UVRAG: variants seen among roughly 807,000 people sequenced by gnomAD.
UVRAG encodes the protein UV radiation resistance-associated gene protein.
In UVRAG, 19 loss-of-function variants were observed where a neutral mutation model predicts 78.0. The observed-to-expected ratio is 0.24, with a 90% CI of 0.17 to 0.36. The LOEUF is 0.36. UVRAG is among the 10% of genes least tolerant of loss of function. The pLI is 1.00. For missense variants in UVRAG, 740 were observed against 853.8 expected, an observed-to-expected ratio of 0.87 and a Z score of 1.66; for synonymous variants, 323 against 324.6, an observed-to-expected ratio of 1.00 and a Z score of 0.05.
chr11:76,007,798 A>G (rs983763129), intron 10 of UVRAG, among the ~76,000 whole-genome samples, 177 bp downstream of exon 10: 2 of 152,082 alleles, frequency 1.3e-5, no homozygotes, highest in Non-Finnish European at 2.9e-5. Flanking sequence ...CTTAGGTCCT[A>G]CTATTTCATT....
In UVRAG at chr11:75,968,074, C is replaced by T. The variant is rs568100592; in HGVS notation, c.699+6525C>T. Among the ~76,000 whole-genome samples, 4 of 152,284 alleles carry T rather than the reference C, an allele frequency of 2.6e-5. No individual in the cohort carries two copies. The South Asian group carries it at 8.3e-4, about 32-fold the overall frequency. On this transcript the variant is annotated intron_variant, in intron 7 of 14. Coordinates refer to ENST00000356136, the MANE Select transcript of UVRAG (RefSeq NM_003369.4). ...TCCAAAACACTCCAATGAGCATTTT[C>T]CTTGAGCATCATATTGGTGCTCAGA...
chr11:76,139,239 A>C (rs186348045), intron 14 of UVRAG, among the ~76,000 whole-genome samples: 1 of 152,310 alleles, frequency 6.6e-6, no homozygotes, highest in African/African-American at 2.4e-5. Context: ...GCATCAGAGG[A>C]GAGAGAGCAG....
intron 1 of UVRAG, among the ~76,000 whole-genome samples, chr11:75,828,433 A>AC (rs1258400183): frequency 7.3e-6 from 1 of 136,424 alleles, no homozygotes; most frequent in Non-Finnish European, 1.5e-5. Flanking sequence ...ATATAGTGAG[A>AC]CCCCCATCTC....
chr11:75,818,636 G>A (rs1288021358), intron 1 of UVRAG, among the ~76,000 whole-genome samples: 6 of 151,558 alleles, frequency 4.0e-5, no homozygotes, highest in African/African-American at 7.3e-5. Context: ...CTGCCACCAC[G>A]CCCAGCTAAT....
intron 7 of UVRAG, chr11:75,980,154 T>C: frequency 6.4e-6 from 1 of 155,940 alleles, no homozygotes; most frequent in Non-Finnish European, 1.4e-5. Flanking sequence ...TCTCTCTCTC[T>C]CTGTTTTGTT....
chr11:75,836,964 A>T (rs777244684), intron 1 of UVRAG, among the ~76,000 whole-genome samples: 1 of 152,176 alleles, frequency 6.6e-6, no homozygotes, highest in Non-Finnish European at 1.5e-5. Context: ...AATATAGTTC[A>T]TCATCCCTCA....
At chr11:75,822,085 C>T (rs1420739817) in intron 1 of UVRAG, among the ~76,000 whole-genome samples, 3 of 151,864 alleles carry the variant, frequency 2.0e-5, no homozygotes, top group African/African-American at 7.3e-5. Flanking sequence ...GCTGGGATTA[C>T]AGGCACCCGC....
At chr11:75,887,992 A>G (rs1313239700) in intron 4 of UVRAG, among the ~76,000 whole-genome samples, 1 of 152,216 alleles carries the variant, frequency 6.6e-6, no homozygotes, top group Non-Finnish European at 1.5e-5. Flanking sequence ...AGACAATAAT[A>G]GAAGAGAGTG....
chr11:76,061,866 A>G (rs1431022661), intron 12 of UVRAG, among the ~76,000 whole-genome samples: 1 of 152,260 alleles, frequency 6.6e-6, no homozygotes, highest in Non-Finnish European at 1.5e-5. Context: ...TGAGAATTAT[A>G]ACATCTTGGA....
At chr11:76,107,901 A>G (rs1050797897) in intron 13 of UVRAG, among the ~76,000 whole-genome samples, 1 of 152,148 alleles carries the variant, frequency 6.6e-6, no homozygotes, top group African/African-American at 2.4e-5. Context: ...ATGTTTGCCT[A>G]CATAAGGCAA....
intron 6 of UVRAG, among the ~76,000 whole-genome samples, chr11:75,948,738 T>C (rs1204239081): frequency 6.6e-6 from 1 of 152,084 alleles, no homozygotes; most frequent in Non-Finnish European, 1.5e-5. Context: ...AGATACATAA[T>C]GAAAGGAACT....
At chr11:76,137,758 A>G (rs1344415217) in intron 14 of UVRAG, 2 of 311,500 alleles carry the variant, frequency 6.4e-6, no homozygotes, top group African/African-American at 4.3e-5. Context: ...AATAAAAAAC[A>G]TTAGCCGGGC....
intron 8 of UVRAG, among the ~76,000 whole-genome samples, chr11:75,988,339 A>T (rs952557502): frequency 1.3e-5 from 2 of 152,158 alleles, no homozygotes; most frequent in Non-Finnish European, 2.9e-5. Flanking sequence ...TTCCTTTTCT[A>T]GCATTTCATA....
At chr11:75,958,717 T>A (rs1948853366) in intron 6 of UVRAG, among the ~76,000 whole-genome samples, 1 of 152,244 alleles carries the variant, frequency 6.6e-6, no homozygotes, top group Non-Finnish European at 1.5e-5. Context: ...GCATTCAGAA[T>A]GGCGAATCCT....
In UVRAG at chr11:75,873,489, T is replaced by G. The variant is rs973307495; in HGVS notation, c.271-6390T>G. Reference sequence around the variant, plus strand: ...GACAGTTAAAGAGAATTGGGAAGGCTTCTGAGGAAGAGATGTTTGAACTGA... The same window carrying G: ...GACAGTTAAAGAGAATTGGGAAGGCGTCTGAGGAAGAGATGTTTGAACTGA... On this transcript the variant is annotated intron_variant, in intron 3 of 14. Coordinates refer to ENST00000356136, the MANE Select transcript of UVRAG (RefSeq NM_003369.4). Among the ~76,000 whole-genome samples the G allele has an allele frequency of 1.4e-4, 22 of 152,116 alleles. 1 individual carries two copies. Among genetic ancestry groups the G allele is most frequent in the African/African-American group, 4.6e-4 (19 of 41,406 alleles).
chr11:76,141,704 T>C lies in UVRAG; in HGVS notation c.*291T>C. ...GTCACCTTTTAGCTATTTGTCTGCTTTTTATTTACCCTTGTATGTTATCCT... is the reference window on the plus strand; with the variant it reads ...GTCACCTTTTAGCTATTTGTCTGCTCTTTATTTACCCTTGTATGTTATCCT... On this transcript the variant is annotated 3_prime_UTR_variant, in exon 15 of 15. Coordinates refer to ENST00000356136, the MANE Select transcript of UVRAG (RefSeq NM_003369.4). 1 of 400,392 alleles carries C rather than the reference T, an allele frequency of 2.5e-6. No homozygotes were observed. Among genetic ancestry groups the C allele is most frequent in the South Asian group, 3.2e-5 (1 of 31,112 alleles). 24.8% of individuals were successfully genotyped at this position (400,392 alleles called of 1,614,324 possible). A position where few individuals can be genotyped will look rare whatever the true frequency, so the allele number is the denominator to read the frequency against.
At chr11:76,137,361 G>A (rs1348402188) in intron 14 of UVRAG, 2 of 456,094 alleles carry the variant, frequency 4.4e-6, no homozygotes, top group Non-Finnish European at 8.8e-6. Flanking sequence ...ACATCCTGTA[G>A]TCCCCTTATT....
chr11:75,995,381 A>G (rs1478465548), intron 8 of UVRAG, among the ~76,000 whole-genome samples: 3 of 151,876 alleles, frequency 2.0e-5, no homozygotes, highest in Non-Finnish European at 4.4e-5. Context: ...GTCAGATTTC[A>G]TTGCTCAGAT....
intron 1 of UVRAG, among the ~76,000 whole-genome samples, chr11:75,820,693 T>C (rs1002997667): frequency 2.0e-5 from 3 of 152,212 alleles, no homozygotes; most frequent in African/African-American, 7.2e-5. Context: ...TATGGTACAT[T>C]TGTTAGAATT....
Sources: allele counts gnomAD v4.1 joint callset (sites outside exome capture counted in the v4.1 genomes callset), GRCh38; gene constraint gnomAD v4.1.1; transcripts MANE v1.5; gene names NCBI Gene and HGNC (gene_info 2026-07-23, HGNC 2026-07-21).